Variants in DLGAP2 observed in about 807,000 individuals in gnomAD.
DLGAP2 encodes disks large-associated protein 2.
In DLGAP2, 26 loss-of-function variants were observed where a neutral mutation model predicts 100.3. That is an observed-to-expected ratio of 0.26 (90% CI 0.19 to 0.36). The LOEUF (loss-of-function observed/expected upper bound fraction) is 0.36. Ranked by LOEUF, DLGAP2 falls within the 10% of genes least tolerant of loss-of-function variation. The pLI is 1.00. For missense variants in DLGAP2, 1,858 were observed against 1,453.2 expected (o/e 1.28, Z -4.53); for synonymous variants, 886 against 630.1 (o/e 1.41, Z -6.08).
At position 1,039,698 on chromosome 8, in the gene DLGAP2, G is replaced by A. The variant is rs79671304; in HGVS notation, c.73+131732G>A. Among the ~76,000 whole-genome samples, 1,086 of 110,296 alleles carry A rather than the reference G, an allele frequency of 9.8e-3. 84 individuals carry two copies. Among genetic ancestry groups the A allele is most frequent in the East Asian group, 0.039 (109 of 2,806 alleles). The allele number at this position is 110,296 out of a possible 152,430, so 72.4% of individuals were successfully genotyped here. A position where few individuals can be genotyped will look rare whatever the true frequency, so the allele number is the denominator to read the frequency against. On this transcript the variant is annotated intron_variant, in intron 2 of 14. Coordinates refer to ENST00000637795, the MANE Select transcript of DLGAP2 (RefSeq NM_001346810.2). Reference sequence around the variant, plus strand: ...GGTGTGCGTGGTCAGCTCGGTGTGCGTGGTCAGCTCGGTTTCCGTGGTCAG... The same window carrying A: ...GGTGTGCGTGGTCAGCTCGGTGTGCATGGTCAGCTCGGTTTCCGTGGTCAG...
intron 2 of DLGAP2, among the ~76,000 whole-genome samples, chr8:1,232,806 T>C (rs1247811879): frequency 6.6e-6 from 1 of 152,226 alleles, no homozygotes; most frequent in East Asian, 1.9e-4. Flanking sequence ...GTAGTAAACG[T>C]ATCGCAAGGT....
intron 12 of DLGAP2, among the ~76,000 whole-genome samples, chr8:1,681,643 C>CA (rs1798948703): frequency 6.6e-6 from 1 of 152,000 alleles, no homozygotes; most frequent in Non-Finnish European, 1.5e-5. Context: ...GACCCTGTCT[C>CA]AAAAAAGAAA....
intron 3 of DLGAP2, among the ~76,000 whole-genome samples, chr8:1,278,377 C>T (rs1192158157): frequency 1.3e-5 from 2 of 152,210 alleles, no homozygotes; most frequent in South Asian, 2.1e-4. Flanking sequence ...GTCATCGGCG[C>T]AGTCGTGAGC....
intron 2 of DLGAP2, among the ~76,000 whole-genome samples, chr8:1,062,408 T>C (rs1213822767): frequency 1.3e-5 from 2 of 152,104 alleles, no homozygotes; most frequent in East Asian, 3.9e-4. Flanking sequence ...CTTCCCTGAG[T>C]GTAGGTCTCC....
At position 752,345 on chromosome 8, in the gene DLGAP2, TC is replaced by T. The variant is rs529843095; in HGVS notation, c.18+14522del. Among the ~76,000 whole-genome samples, 104 of 152,294 alleles carry T rather than the reference TC, an allele frequency of 6.8e-4. 2 individuals carry two copies. The East Asian group carries it at 0.018, about 27-fold the overall frequency. On this transcript the variant is annotated intron_variant, in intron 1 of 14. Coordinates refer to ENST00000637795, the MANE Select transcript of DLGAP2 (RefSeq NM_001346810.2). ...GTTGCTCAATGCTCATGCCTCGCCTTCCTCCAGCCTAGTGTGCCCGGGCCGG... is the reference window on the plus strand; with the variant it reads ...GTTGCTCAATGCTCATGCCTCGCCTTCTCCAGCCTAGTGTGCCCGGGCCGG...
intron 6 of DLGAP2, among the ~76,000 whole-genome samples, chr8:1,603,391 C>T (rs1399619512): frequency 6.7e-6 from 1 of 149,954 alleles, no homozygotes; most frequent in Non-Finnish European, 1.5e-5. Context: ...GGTCTCAGTT[C>T]TGTAGAGGCT....
At chr8:1,684,084 C>T (rs972451542) in intron 12 of DLGAP2, among the ~76,000 whole-genome samples, 2 of 149,982 alleles carry the variant, frequency 1.3e-5, no homozygotes, top group South Asian at 4.2e-4. Context: ...CAAGTTCAAG[C>T]AATGCTCCTG....
intron 3 of DLGAP2, among the ~76,000 whole-genome samples, chr8:1,409,411 G>C (rs1287476015): frequency 6.6e-6 from 1 of 152,224 alleles, no homozygotes; most frequent in Non-Finnish European, 1.5e-5. Flanking sequence ...GCTGAGCACA[G>C]AATTGTCTAG....
At chr8:1,144,186 C>T (rs17746660) in intron 2 of DLGAP2, among the ~76,000 whole-genome samples, 52,417 of 152,096 alleles carry the variant, frequency 0.34, 10,406 homozygotes, top group Non-Finnish European at 0.45. Context: ...TTCCAGCGGG[C>T]GCGTTTTCAC....
At chr8:928,215 G>A (rs748108075) in intron 2 of DLGAP2, among the ~76,000 whole-genome samples, 2 of 152,186 alleles carry the variant, frequency 1.3e-5, no homozygotes, top group South Asian at 4.1e-4. Context: ...GCAGATTTAC[G>A]AGATTTTCCT....
intron 2 of DLGAP2, among the ~76,000 whole-genome samples, chr8:1,132,021 C>T (rs1381874386): frequency 6.6e-6 from 1 of 152,180 alleles, no homozygotes; most frequent in Non-Finnish European, 1.5e-5. Flanking sequence ...ATTTAACTGT[C>T]AGCACAGACT....
chr8:1,036,007 C>A (rs1274864983), intron 2 of DLGAP2, among the ~76,000 whole-genome samples: 18 of 114,728 alleles, frequency 1.6e-4, no homozygotes, highest in Non-Finnish European at 2.9e-4. Flanking sequence ...ACACGCTCAT[C>A]CCGACCCCGC....
intron 2 of DLGAP2, among the ~76,000 whole-genome samples, chr8:985,651 A>G (rs771918791): frequency 6.6e-6 from 1 of 152,258 alleles, no homozygotes; most frequent in Non-Finnish European, 1.5e-5. Flanking sequence ...TACAATCTGT[A>G]TTATCTGAGA....
intron 3 of DLGAP2, among the ~76,000 whole-genome samples, chr8:1,497,712 G>T (rs73672741): frequency 6.6e-6 from 1 of 152,168 alleles, no homozygotes; most frequent in African/African-American, 2.4e-5. Context: ...TGCCTAGTGA[G>T]GGTTCTGAAC....
chr8:1,220,555 G>A (rs866468454), intron 2 of DLGAP2, among the ~76,000 whole-genome samples: 8 of 152,146 alleles, frequency 5.3e-5, no homozygotes, highest in Admixed American at 1.3e-4. Flanking sequence ...TGTGCCGTGT[G>A]GAGATGAGAC....
chr8:1,144,206 C>A (rs1445771537), intron 2 of DLGAP2, among the ~76,000 whole-genome samples: 1 of 152,172 alleles, frequency 6.6e-6, no homozygotes, highest in African/African-American at 2.4e-5. Context: ...CCGCCCTGTG[C>A]TGGAAAGGCA....
intron 2 of DLGAP2, among the ~76,000 whole-genome samples, chr8:1,164,513 G>C (rs917092114): frequency 1.3e-5 from 2 of 152,080 alleles, no homozygotes; most frequent in African/African-American, 4.8e-5. Flanking sequence ...ACCAGGTTGG[G>C]CGTGTGGGAA....
chr8:843,813 C>T (rs1248339523), intron 1 of DLGAP2, among the ~76,000 whole-genome samples: 2 of 152,158 alleles, frequency 1.3e-5, no homozygotes, highest in Non-Finnish European at 2.9e-5. Flanking sequence ...GTCACTGTGT[C>T]CTCGCTACAT....
intron 2 of DLGAP2, among the ~76,000 whole-genome samples, chr8:1,162,155 G>A (rs1397909697): frequency 6.6e-6 from 1 of 152,264 alleles, no homozygotes; most frequent in Admixed American, 6.5e-5. Flanking sequence ...AGCCCTCCCG[G>A]CAGCAGGGGC....
Sources: allele counts gnomAD v4.1 joint callset (sites outside exome capture counted in the v4.1 genomes callset), GRCh38; gene constraint gnomAD v4.1.1; transcripts MANE v1.5; gene names NCBI Gene and HGNC (gene_info 2026-07-23, HGNC 2026-07-21).